Variants in RGMB observed in about 807,000 individuals in gnomAD.
RGMB encodes the protein repulsive guidance molecule BMP co-receptor b.
A neutral mutation model predicts 26.9 loss-of-function variants in RGMB; 16 were observed. The observed-to-expected ratio is 0.60, with a 90% CI of 0.40 to 0.90. The LOEUF (loss-of-function observed/expected upper bound fraction) is 0.90. Among genes scored for constraint, RGMB ranks in the 40% least tolerant of loss-of-function variants. RGMB has a pLI of 0.00. For synonymous variants in RGMB, 225 were observed against 229.3 expected (o/e 0.98, Z 0.17); for missense variants, 512 against 573.3 (o/e 0.89, Z 1.09).
chr5:98,778,467 A>G (rs965798230), intron 1 of RGMB, among the ~76,000 whole-genome samples: 3 of 152,216 alleles, frequency 2.0e-5, no homozygotes, highest in Admixed American at 1.3e-4. Context: ...CCTCACATTT[A>G]AAGAGATTAA....
rs1321121143 is a variant in RGMB at position 98,779,625 on chromosome 5, C to T, written c.182C>T (p.Thr61Met). Residue 61 changes from threonine to methionine, a missense_variant, in exon 2 of 3, where the codon ACG becomes ATG. Physicochemically the swap from Thr to Met is moderately conservative, Grantham distance 81. Transcript: ENST00000513185. ...CAATGTCGAATCCAGAAATGCACCA[C>T]GGACTTCGTGTCCCTGACTTCTCAC... ...PAQCRIQKCT[T>M]DFVSLTSHLN... 25 of 1,531,524 alleles carry T rather than the reference C, an allele frequency of 1.6e-5. No homozygotes were observed. The highest frequency in any genetic ancestry group is 1.8e-4 in the Middle Eastern group (1 of 5,640). The allele number at this position is 1,531,524 out of a possible 1,614,324, so 94.9% of individuals were successfully genotyped here.
At chr5:98,789,411 G>C (rs949219571) in intron 2 of RGMB, among the ~76,000 whole-genome samples, 1 of 151,952 alleles carries the variant, frequency 6.6e-6, no homozygotes, top group Admixed American at 6.6e-5. Context: ...AGATATCTCT[G>C]TACCTCTTGG....
chr5:98,771,499 G>A (rs1003808766), upstream of RGMB, among the ~76,000 whole-genome samples: 1 of 152,132 alleles, frequency 6.6e-6, no homozygotes, highest in South Asian at 2.1e-4. Context: ...TGTGTCAACT[G>A]ACCTATGTCT....
chr5:98,779,015 A>C (rs1746504933), intron 1 of RGMB, among the ~76,000 whole-genome samples: 1 of 151,530 alleles, frequency 6.6e-6, no homozygotes. Flanking sequence ...GAATGACAGT[A>C]CCTGGATTTT....
intron 2 of RGMB, among the ~76,000 whole-genome samples, chr5:98,781,500 G>GTT (rs1464378442): frequency 2.0e-5 from 3 of 152,146 alleles, no homozygotes; most frequent in African/African-American, 7.2e-5. Context: ...GAATTATGAA[G>GTT]TTATAAGAGA....
chr5:98,784,127 C>T (rs1354892816), intron 2 of RGMB, among the ~76,000 whole-genome samples: 1 of 152,162 alleles, frequency 6.6e-6, no homozygotes, highest in Admixed American at 6.5e-5. Flanking sequence ...GCTCATCGTA[C>T]TTGACCAAGC....
In RGMB at chr5:98,794,629, C is replaced by G. The variant is rs2112385864; in HGVS notation, c.*876C>G. The G allele has an allele frequency of 6.6e-6, 1 of 152,294 alleles. No individual in the cohort carries two copies. The highest frequency in any genetic ancestry group is 2.1e-4 in the South Asian group (1 of 4,832). 9.4% of individuals were successfully genotyped at this position (152,294 alleles called of 1,614,324 possible). A position where few individuals can be genotyped will look rare whatever the true frequency, so the allele number is the denominator to read the frequency against. The stretch of plus-strand genomic sequence containing the variant: ...TAAATTTAGTAATTATCATGCCTTG[C>G]TCTTTTTAATCTATATGACTGATGC... On this transcript the variant is annotated 3_prime_UTR_variant, in exon 3 of 3. Coordinates refer to ENST00000513185, the MANE Select transcript of RGMB (RefSeq NM_001366508.1).
intron 2 of RGMB, among the ~76,000 whole-genome samples, chr5:98,787,412 A>G (rs1159088509): frequency 6.6e-6 from 1 of 152,172 alleles, no homozygotes; most frequent in East Asian, 1.9e-4. Context: ...ACCTCTCTCT[A>G]CCAGGAGAGG....
Position 98,793,621 on chromosome 5 carries a change from T to G in RGMB, c.1182T>G (p.Asp394Glu), listed in dbSNP as rs1747015589. The change falls in exon 3 of 3, where the codon GAT (aspartate) becomes GAG (glutamate). Residue 394 changes from aspartate (D) to glutamate (E), a missense_variant. Coordinates refer to ENST00000513185, the MANE Select transcript of RGMB (RefSeq NM_001366508.1). ...FTAAAHSALEDVEALHPRKER... is the reference protein window; with the variant it reads ...FTAAAHSALEEVEALHPRKER... ...CCGCAGCCCACAGTGCCTTGGAGGA[T>G]GTGGAGGCCCTGCACCCAAGGAAGG... 2 of 1,614,046 alleles carry G rather than the reference T, an allele frequency of 1.2e-6. No individual in the cohort carries two copies. The highest frequency in any genetic ancestry group is 1.7e-6 in the Non-Finnish European group (2 of 1,179,906).
chr5:98,771,993 T>C (rs1453551971), upstream of RGMB, among the ~76,000 whole-genome samples: 1 of 152,262 alleles, frequency 6.6e-6, no homozygotes, highest in Non-Finnish European at 1.5e-5. Flanking sequence ...GTATTATGTT[T>C]GATTACTTTT....
rs1747028737 is a variant in RGMB at position 98,793,908 on chromosome 5, G to A, written c.*155G>A. Reference sequence around the variant, plus strand: ...ACACCCACCAGATTGTACATACTGTGTTTGGCTGTTTTCACATATGTTGGA... The same window carrying A: ...ACACCCACCAGATTGTACATACTGTATTTGGCTGTTTTCACATATGTTGGA... On this transcript the variant is annotated 3_prime_UTR_variant, in exon 3 of 3. Transcript: ENST00000513185. 2 of 600,610 alleles carry A rather than the reference G, an allele frequency of 3.3e-6. No homozygotes were observed. Among genetic ancestry groups the A allele is most frequent in the Non-Finnish European group, 5.6e-6 (2 of 357,454 alleles). The allele number at this position is 600,610 out of a possible 1,614,324, so 37.2% of individuals were successfully genotyped here. A position where few individuals can be genotyped will look rare whatever the true frequency, so the allele number is the denominator to read the frequency against.
upstream of RGMB, chr5:98,773,474 T>A (rs1746246276): frequency 6.4e-6 from 1 of 156,868 alleles, no homozygotes; most frequent in Non-Finnish European, 1.4e-5. Context: ...CGAATTACAC[T>A]GAGCGGGCGG....
At chr5:98,777,314 G>GAC (rs2112344769) in intron 1 of RGMB, among the ~76,000 whole-genome samples, 1 of 152,278 alleles carries the variant, frequency 6.6e-6, no homozygotes, top group Admixed American at 6.5e-5. Flanking sequence ...AGTTTAGCGG[G>GAC]AAGTTCTTGT....
chr5:98,774,152 C>G lies in RGMB; in HGVS notation c.82C>G (p.Pro28Ala), dbSNP rs779193781. 7 of 1,498,064 alleles carry G rather than the reference C, an allele frequency of 4.7e-6. No homozygotes were observed. The highest frequency in any genetic ancestry group is 2.3e-4 in the Middle Eastern group (1 of 4,346). The allele number at this position is 1,498,064 out of a possible 1,614,324, so 92.8% of individuals were successfully genotyped here. A position where few individuals can be genotyped will look rare whatever the true frequency, so the allele number is the denominator to read the frequency against. Residue 28 changes from proline (P) to alanine (A), a missense_variant, in exon 1 of 3, where the codon CCG (proline) becomes GCG (alanine). Physicochemically the swap from Pro to Ala is conservative, Grantham distance 27. Coordinates refer to ENST00000513185, the MANE Select transcript of RGMB (RefSeq NM_001366508.1). ...EQRRSPGLCP[P>A]PLELLLLLLF... ...GCGCCGCAGCCCCGGGCTCTGCCCC[C>G]CGCCGCTGGAGCTGCTGCTGCTGCT...
intron 1 of RGMB, among the ~76,000 whole-genome samples, chr5:98,774,881 C>T (rs1367405086): frequency 6.6e-6 from 1 of 152,102 alleles, no homozygotes; most frequent in Non-Finnish European, 1.5e-5. Context: ...TTCTGGAGGT[C>T]GGCGCTTCCC....
At chr5:98,776,340 G>C (rs1466706311) in intron 1 of RGMB, among the ~76,000 whole-genome samples, 1 of 152,206 alleles carries the variant, frequency 6.6e-6, no homozygotes, top group Non-Finnish European at 1.5e-5. Context: ...AAAAGAGTAT[G>C]AAAAGAGTAC....
chr5:98,790,045 A>C (rs1031434375), intron 2 of RGMB, among the ~76,000 whole-genome samples: 1 of 152,260 alleles, frequency 6.6e-6, no homozygotes, highest in African/African-American at 2.4e-5. Flanking sequence ...AGAGGAAGAC[A>C]GTCTGAAATG....
intron 2 of RGMB, 23 bp from the exon 3 acceptor site, chr5:98,793,062 C>T (rs1200296384): frequency 6.4e-7 from 1 of 1,563,372 alleles, no homozygotes; most frequent in Admixed American, 1.8e-5. Context: ...TCTGTTAAAC[C>T]TTGTACATGC....
At chr5:98,783,330 C>G (rs551446962) in intron 2 of RGMB, among the ~76,000 whole-genome samples, 1 of 152,358 alleles carries the variant, frequency 6.6e-6, no homozygotes, top group South Asian at 2.1e-4. Context: ...GGGCCATCTT[C>G]CCCACCTTTG....
Sources: allele counts gnomAD v4.1 joint callset (sites outside exome capture counted in the v4.1 genomes callset), GRCh38; gene constraint gnomAD v4.1.1; transcripts MANE v1.5; gene names NCBI Gene and HGNC (gene_info 2026-07-23, HGNC 2026-07-21).